The following ZC3H12B variants were observed in gnomAD, a reference collection of about 807,000 sequenced individuals.
ZC3H12B encodes probable ribonuclease ZC3H12B.
In ZC3H12B, 7 loss-of-function variants were observed where a neutral mutation model predicts 43.9. The ratio of observed to expected loss-of-function variants is 0.16; its 90% CI spans 0.09 to 0.30. The LOEUF (loss-of-function observed/expected upper bound fraction) is 0.30. Among genes scored for constraint, ZC3H12B ranks in the 10% least tolerant of loss-of-function variants. The probability of loss-of-function intolerance (pLI) is 1.00; values close to 1 mark genes in which losing one functional copy is unlikely to be tolerated. For missense variants in ZC3H12B, 475 were observed against 670.2 expected (o/e 0.71, Z 3.22); for synonymous variants, 222 against 241.7 (o/e 0.92, Z 0.76).
chrX:65,053,779 G>A, the ZC3H12B span, among the ~76,000 whole-genome samples: 1 of 111,569 alleles, frequency 9.0e-6, no homozygotes, highest in South Asian at 3.8e-4. Context: ...GTTGTTTCCT[G>A]ACTTTTTAAT....
At chrX:65,455,221 A>T (rs1353380745) in intron 3 of ZC3H12B, among the ~76,000 whole-genome samples, 1 of 111,770 alleles carries the variant, frequency 8.9e-6, no homozygotes, top group Non-Finnish European at 1.9e-5. Context: ...AGAAGTTAAA[A>T]ACCTTGAAAA....
the ZC3H12B span, among the ~76,000 whole-genome samples, chrX:65,193,699 T>A: frequency 8.9e-6 from 1 of 112,021 alleles, no homozygotes; most frequent in Non-Finnish European, 1.9e-5. Context: ...GCTTTTCTAG[T>A]TTTTTAAGAT....
At chrX:65,202,020 T>G in the ZC3H12B span, among the ~76,000 whole-genome samples, 4 of 94,506 alleles carry the variant, frequency 4.2e-5, no homozygotes, top group East Asian at 1.2e-3. Context: ...ATTAAACCTC[T>G]TTCCTTTATA....
At chrX:65,357,387 AC>A in the ZC3H12B span, 2 of 206,577 alleles carry the variant, frequency 9.7e-6, no homozygotes, top group Admixed American at 6.5e-5. Flanking sequence ...CACAAACACT[AC>A]CATAGTGTGG....
chrX:65,213,048 C>G, the ZC3H12B span, among the ~76,000 whole-genome samples: 1 of 108,521 alleles, frequency 9.2e-6, no homozygotes, highest in Admixed American at 1.0e-4. Flanking sequence ...TCCCTACTCT[C>G]TTCTCCACCT....
At chrX:65,195,434 C>G in the ZC3H12B span, among the ~76,000 whole-genome samples, 7 of 111,784 alleles carry the variant, frequency 6.3e-5, no homozygotes, top group Non-Finnish European at 1.3e-4. Flanking sequence ...AACAAACAAG[C>G]GAAGAGAACA....
At chrX:65,079,654 C>G in the ZC3H12B span, among the ~76,000 whole-genome samples, 1 of 112,700 alleles carries the variant, frequency 8.9e-6, no homozygotes, top group African/African-American at 3.2e-5. Flanking sequence ...GCAAGAACCA[C>G]TGTGTTACTG....
the ZC3H12B span, among the ~76,000 whole-genome samples, chrX:65,309,374 G>A: frequency 8.1e-5 from 9 of 111,760 alleles, no homozygotes; most frequent in South Asian, 3.7e-4. Context: ...ACACATCTAC[G>A]CAAATAAACT....
the ZC3H12B span, among the ~76,000 whole-genome samples, chrX:65,279,600 C>T: frequency 9.0e-6 from 1 of 111,301 alleles, no homozygotes; most frequent in Non-Finnish European, 1.9e-5. Flanking sequence ...AAACGTAAAA[C>T]CCAAAACTAT....
chrX:65,106,626 A>G, the ZC3H12B span, among the ~76,000 whole-genome samples: 1 of 111,168 alleles, frequency 9.0e-6, no homozygotes, highest in Non-Finnish European at 1.9e-5. Flanking sequence ...TCTTGATTTA[A>G]TAAGAAGAAA....
chrX:65,164,298 G>A, the ZC3H12B span, among the ~76,000 whole-genome samples: 1 of 111,434 alleles, frequency 9.0e-6, no homozygotes, highest in South Asian at 3.8e-4. Context: ...GTGGGTTATA[G>A]AACCAGTTGA....
At chrX:65,187,799 TTG>T in the ZC3H12B span, among the ~76,000 whole-genome samples, 1 of 111,053 alleles carries the variant, frequency 9.0e-6, no homozygotes, top group African/African-American at 3.3e-5. Context: ...CATTCATTCT[TTG>T]TGTTATAAAC....
At chrX:65,135,489 T>G in the ZC3H12B span, among the ~76,000 whole-genome samples, 2 of 110,166 alleles carry the variant, frequency 1.8e-5, no homozygotes, top group African/African-American at 6.6e-5. Flanking sequence ...TTTTTTGTCT[T>G]AATTTTCACA....
At chrX:65,213,053 C>T in the ZC3H12B span, among the ~76,000 whole-genome samples, 1 of 108,289 alleles carries the variant, frequency 9.2e-6, no homozygotes, top group African/African-American at 3.3e-5. Flanking sequence ...ACTCTCTTCT[C>T]CACCTCCCCA....
At chrX:65,087,807 G>A in the ZC3H12B span, among the ~76,000 whole-genome samples, 1 of 111,791 alleles carries the variant, frequency 8.9e-6, no homozygotes, top group Non-Finnish European at 1.9e-5. Flanking sequence ...AGAAATACTT[G>A]GGAAGCAACA....
the ZC3H12B span, among the ~76,000 whole-genome samples, chrX:65,276,172 GAATT>G: frequency 9.0e-6 from 1 of 111,323 alleles, no homozygotes; most frequent in Non-Finnish European, 1.9e-5. Context: ...GAATAAAAAA[GAATT>G]AAGAAAGCCT....
At chrX:65,085,906 A>G in the ZC3H12B span, among the ~76,000 whole-genome samples, 594 of 111,953 alleles carry the variant, frequency 5.3e-3, 3 homozygotes, top group Middle Eastern at 9.2e-3. Flanking sequence ...ATTTTAATAC[A>G]TATTTCCCAC....
At chrX:65,219,284 A>AT in the ZC3H12B span, among the ~76,000 whole-genome samples, 1 of 111,770 alleles carries the variant, frequency 8.9e-6, no homozygotes, top group Non-Finnish European at 1.9e-5. Flanking sequence ...CCCTCAAAAG[A>AT]TTACACTAGC....
At chrX:65,413,339 T>C (rs2066926030) in intron 3 of ZC3H12B, among the ~76,000 whole-genome samples, 1 of 111,883 alleles carries the variant, frequency 8.9e-6, no homozygotes, top group Admixed American at 9.5e-5. Context: ...TGCTTTTCTT[T>C]TGGTTTCATA....
Sources: allele counts gnomAD v4.1 joint callset (sites outside exome capture counted in the v4.1 genomes callset), GRCh38; gene constraint gnomAD v4.1.1; transcripts MANE v1.5; gene names NCBI Gene and HGNC (gene_info 2026-07-23, HGNC 2026-07-21).